Variants in WWOX observed in about 807,000 individuals in gnomAD.
WWOX encodes WW domain containing oxidoreductase.
A neutral mutation model predicts 46.2 loss-of-function variants in WWOX; 69 were observed. The observed-to-expected ratio is 1.49, with a 90% CI of 1.23 to 1.82. The LOEUF (loss-of-function observed/expected upper bound fraction) is 1.82, where lower values mean the gene tolerates loss of function less well. Ranked by LOEUF, WWOX falls within the 40% of genes most tolerant of loss-of-function variation. The probability of loss-of-function intolerance (pLI) is 0.00; values close to 1 mark genes in which losing one functional copy is unlikely to be tolerated. For missense variants in WWOX, 919 were observed against 542.6 expected (o/e 1.69, Z -6.89); for synonymous variants, 359 against 202.6 (o/e 1.77, Z -6.56).
At chr16:78,347,803 T>C (rs2081118647) in intron 5 of WWOX, among the ~76,000 whole-genome samples, 1 of 122,244 alleles carries the variant, frequency 8.2e-6, no homozygotes. Context: ...ACCTCTGGCC[T>C]TTTTTCTTAT....
rs1178619171 is a variant in WWOX at position 78,099,705 on chromosome 16, G to T, written c.-74G>T. On this transcript the variant is annotated 5_prime_UTR_variant, in exon 1 of 9. Coordinates refer to ENST00000566780, the MANE Select transcript of WWOX (RefSeq NM_016373.4). ...CCCCGACGCGCGCGGGTCTCGTTTG[G>T]AGCGGGAGTGAGTTCCTGAGCGAGT... 6.8e-7 allele frequency: 1 copy of T among 1,477,654 alleles called. No homozygotes were observed. 91.5% of individuals were successfully genotyped at this position (1,477,654 alleles called of 1,614,324 possible).
In WWOX at chr16:78,147,644, G is replaced by A. The variant is rs1031178015; in HGVS notation, c.410-16539G>A. ...TCGCTTTTTTAATGGTGAGAGCCAA[G>A]GTCAATCTGAATTTTTCTTTTTCTT... On this transcript the variant is annotated intron_variant, in intron 4 of 8. Coordinates refer to ENST00000566780, the MANE Select transcript of WWOX (RefSeq NM_016373.4). Among the ~76,000 whole-genome samples, 27 of 145,904 alleles carry A rather than the reference G, an allele frequency of 1.9e-4. No individual in the cohort carries two copies. In the South Asian group the frequency reaches 2.4e-3, roughly 13 times the overall value.
Position 78,850,114 on chromosome 16 carries a change from A to C in WWOX, c.1057-361494A>C, listed in dbSNP as rs528768897. 9.2e-5 allele frequency among the ~76,000 whole-genome samples: 14 copies of C among 152,206 alleles called. No individual in the cohort carries two copies. The East Asian group carries it at 2.7e-3, about 29-fold the overall frequency. On this transcript the variant is annotated intron_variant, in intron 8 of 8. Transcript: ENST00000566780. ...GTGATAGAGTGAGAATTTGGCTTTTAGTCTACAGAAGTTTTCACTACCAGT... is the reference window on the plus strand; with the variant it reads ...GTGATAGAGTGAGAATTTGGCTTTTCGTCTACAGAAGTTTTCACTACCAGT...
At chr16:78,161,923 ATT>A (rs1273667665) in intron 4 of WWOX, among the ~76,000 whole-genome samples, 1 of 152,176 alleles carries the variant, frequency 6.6e-6, no homozygotes, top group Non-Finnish European at 1.5e-5. Context: ...TAGGTTAAGC[ATT>A]GTTATTATTA....
intron 8 of WWOX, among the ~76,000 whole-genome samples, chr16:78,738,025 G>C (rs867786599): frequency 6.6e-6 from 1 of 152,192 alleles, no homozygotes; most frequent in Non-Finnish European, 1.5e-5. Flanking sequence ...GAGCCCGGTG[G>C]ACTTCTGTGG....
chr16:78,422,810 C>CACAT (rs202030093), intron 6 of WWOX, among the ~76,000 whole-genome samples: 8 of 119,940 alleles, frequency 6.7e-5, no homozygotes, highest in African/African-American at 3.6e-4. Context: ...TATACACACA[C>CACAT]ATATATATAC....
At chr16:79,012,229 T>A (rs1420750341) in intron 8 of WWOX, among the ~76,000 whole-genome samples, 1 of 151,968 alleles carries the variant, frequency 6.6e-6, no homozygotes, top group Non-Finnish European at 1.5e-5. Context: ...GCAACTAGTA[T>A]GACATCTTAA....
At chr16:78,291,506 A>T (rs1440784647) in intron 5 of WWOX, among the ~76,000 whole-genome samples, 1 of 152,194 alleles carries the variant, frequency 6.6e-6, no homozygotes, top group African/African-American at 2.4e-5. Flanking sequence ...TCAGCAATCC[A>T]GGCAGGACTG....
intron 8 of WWOX, among the ~76,000 whole-genome samples, chr16:79,037,538 T>C (rs114487922): frequency 0.012 from 1,859 of 152,226 alleles, 32 homozygotes; most frequent in African/African-American, 0.042. Flanking sequence ...ACACTGCTGA[T>C]GAGTGACAGA....
intron 8 of WWOX, among the ~76,000 whole-genome samples, chr16:78,857,888 A>G (rs892837069): frequency 1.1e-3 from 173 of 152,198 alleles, no homozygotes; most frequent in African/African-American, 4.0e-3. Flanking sequence ...TGATCAAGCA[A>G]TTCCATTCTG....
chr16:78,132,066 C>A (rs912739190), intron 4 of WWOX, among the ~76,000 whole-genome samples: 7 of 149,674 alleles, frequency 4.7e-5, no homozygotes, highest in African/African-American at 1.7e-4. Context: ...ACTCTGTCGC[C>A]CAGGCTGGAG....
chr16:78,293,269 A>G (rs1188877288), intron 5 of WWOX, among the ~76,000 whole-genome samples: 1 of 152,154 alleles, frequency 6.6e-6, no homozygotes, highest in East Asian at 1.9e-4. Context: ...AACAAGGAGG[A>G]TATTTGTAAA....
At chr16:78,657,683 C>T (rs55901716) in intron 8 of WWOX, among the ~76,000 whole-genome samples, 3,730 of 152,244 alleles carry the variant, frequency 0.025, 71 homozygotes, top group Middle Eastern at 0.054. Flanking sequence ...AAGTGATTCT[C>T]AGTGGACAAG....
At position 78,109,830 on chromosome 16, in the gene WWOX, T is replaced by C; in HGVS notation, c.225T>C (p.Phe75=). 3 of 1,614,212 alleles carry C rather than the reference T, an allele frequency of 1.9e-6. No individual in the cohort carries two copies. Among genetic ancestry groups the C allele is most frequent in the Non-Finnish European group, 2.5e-6 (3 of 1,180,038 alleles). Reference sequence around the variant, plus strand: ...CTGATGAGAACGGACAAGTGTTTTTTGTTGAGTAAGTGTCTGCAAAGAAAC... The same window carrying C: ...CTGATGAGAACGGACAAGTGTTTTTCGTTGAGTAAGTGTCTGCAAAGAAAC... ...QETDENGQVF[F]VDHINKRTTY... The change falls in exon 3 of 9, where the codon TTT becomes TTC. Residue 75 remains phenylalanine, a synonymous_variant. Coordinates refer to ENST00000566780, the MANE Select transcript of WWOX (RefSeq NM_016373.4).
chr16:79,160,570 A>G (rs1264566616), intron 8 of WWOX, among the ~76,000 whole-genome samples: 2 of 152,322 alleles, frequency 1.3e-5, no homozygotes, highest in South Asian at 4.1e-4. Flanking sequence ...AAGTGGAGGC[A>G]TTATGGATGC....
At chr16:78,747,150 C>T (rs1392214758) in intron 8 of WWOX, among the ~76,000 whole-genome samples, 1 of 150,130 alleles carries the variant, frequency 6.7e-6, no homozygotes, top group Non-Finnish European at 1.5e-5. Flanking sequence ...CATGTTGTTT[C>T]TTTTGCCTGG....
rs944027188 is a variant in WWOX at position 78,111,585 on chromosome 16, G to C, written c.230+1750G>C. On this transcript the variant is annotated intron_variant, in intron 3 of 8. Coordinates refer to ENST00000566780, the MANE Select transcript of WWOX (RefSeq NM_016373.4). ...CGCGAAAGGGAGTCTCCTTTCCTTG[G>C]AGGAGTCAGGGAACACTCTGCTCCA... 3.3e-5 allele frequency among the ~76,000 whole-genome samples: 5 copies of C among 152,252 alleles called. No homozygotes were observed. In the East Asian group the frequency reaches 9.7e-4, roughly 30 times the overall value.
intron 5 of WWOX, among the ~76,000 whole-genome samples, chr16:78,331,032 C>T (rs1297711693): frequency 6.6e-6 from 1 of 152,076 alleles, no homozygotes; most frequent in Non-Finnish European, 1.5e-5. Flanking sequence ...ATTGAGTAAA[C>T]CATTCATGTA....
rs1555567122 is a variant in WWOX, at chr16:78,578,284, A to ATATAT, written c.1056+145533_1056+145534insATATT. On this transcript the variant is annotated intron_variant, in intron 8 of 8. Coordinates refer to ENST00000566780, the MANE Select transcript of WWOX (RefSeq NM_016373.4). ...TATATATATATATATATATATATAT[A>ATATAT]TTTTTTTTTTTTTTTTTTTTTTTTG... Among the ~76,000 whole-genome samples the ATATAT allele has an allele frequency of 5.8e-4, 12 of 20,840 alleles. 1 individual carries two copies. The highest frequency in any genetic ancestry group is 2.5e-3 in the East Asian group (2 of 792). 13.7% of individuals were successfully genotyped at this position (20,840 alleles called of 152,430 possible).
Sources: gnomAD v4.1 joint callset for allele counts (sites outside exome capture counted in the v4.1 genomes callset) on GRCh38, gnomAD v4.1.1 for gene constraint, MANE v1.5 for transcripts, NCBI Gene and HGNC (gene_info 2026-07-23, HGNC 2026-07-21) for gene names.